The following ZFPM2 variants were observed in gnomAD, a reference collection of about 807,000 sequenced individuals.
ZFPM2 encodes zinc finger protein ZFPM2.
A neutral mutation model predicts 98.6 loss-of-function variants in ZFPM2; 20 were observed. That is an observed-to-expected ratio of 0.20 (90% CI 0.14 to 0.29). ZFPM2 has a LOEUF of 0.29. Among genes scored for constraint, ZFPM2 ranks in the 10% least tolerant of loss-of-function variants. ZFPM2 has a pLI of 1.00. For synonymous variants in ZFPM2, 518 were observed against 502.7 expected (o/e 1.03, Z -0.41); for missense variants, 1,310 against 1,388.6 (o/e 0.94, Z 0.90).
intron 4 of ZFPM2, among the ~76,000 whole-genome samples, chr8:105,576,973 A>C (rs1339277941): frequency 2.0e-5 from 3 of 151,978 alleles, no homozygotes; most frequent in Non-Finnish European, 4.4e-5. Flanking sequence ...TCATCTTTAC[A>C]GTCATATGAA....
intron 4 of ZFPM2, among the ~76,000 whole-genome samples, chr8:105,577,469 T>TA (rs3217600): frequency 0.65 from 99,229 of 151,824 alleles, 33,128 homozygotes; most frequent in African/African-American, 0.82. Flanking sequence ...TCTTATGAAG[T>TA]AAAGCACACC....
At chr8:105,659,592 C>CT (rs1327099949) in intron 5 of ZFPM2, among the ~76,000 whole-genome samples, 2 of 152,108 alleles carry the variant, frequency 1.3e-5, no homozygotes, top group Non-Finnish European at 2.9e-5. Flanking sequence ...CAAAAGGTTT[C>CT]TTTTTTTCTT....
In ZFPM2 at chr8:105,801,272, T is replaced by A; in HGVS notation, c.1190T>A (p.Met397Lys). 6.2e-7 allele frequency: 1 copy of A among 1,613,844 alleles called. No individual in the cohort carries two copies. Among genetic ancestry groups the A allele is most frequent in the Non-Finnish European group, 8.5e-7 (1 of 1,179,852 alleles). ...PSGKLPRESD[M>K]EHSPSATEDS... ...GGCAAACTTCCCAGAGAAAGTGACA[T>A]GGAACACTCTCCAAGTGCAACTGAA... Residue 397 changes from methionine to lysine, a missense_variant, in exon 8 of 8, where the codon ATG (methionine) becomes AAG (lysine). Transcript: ENST00000407775.
chr8:105,791,834 G>C (rs933822999), intron 6 of ZFPM2, among the ~76,000 whole-genome samples: 6 of 152,000 alleles, frequency 3.9e-5, no homozygotes, highest in African/African-American at 1.2e-4. Context: ...TGTATGTGTC[G>C]AGGAATTTAT....
chr8:105,507,616 G>A (rs534169055), intron 3 of ZFPM2, among the ~76,000 whole-genome samples: 1 of 152,312 alleles, frequency 6.6e-6, no homozygotes, highest in East Asian at 1.9e-4. Context: ...GTGCCCTTAG[G>A]CACAATGAAG....
At chr8:105,542,257 T>C (rs1041870435) in intron 3 of ZFPM2, among the ~76,000 whole-genome samples, 2 of 152,132 alleles carry the variant, frequency 1.3e-5, no homozygotes, top group African/African-American at 4.8e-5. Flanking sequence ...CTTTGGTGGA[T>C]TAGATAATTA....
intron 6 of ZFPM2, chr8:105,795,927 T>C: frequency 3.6e-6 from 1 of 275,816 alleles, no homozygotes; most frequent in South Asian, 3.5e-5. Flanking sequence ...TAATCAAAAA[T>C]ATACTTTAAA....
At chr8:105,692,920 C>T (rs1810921861) in intron 5 of ZFPM2, among the ~76,000 whole-genome samples, 1 of 152,070 alleles carries the variant, frequency 6.6e-6, no homozygotes, top group Non-Finnish European at 1.5e-5. Context: ...TCTTTCTGCA[C>T]AGAGCAATGA....
chr8:105,581,217 G>C (rs1324468283), intron 4 of ZFPM2, among the ~76,000 whole-genome samples: 2 of 151,896 alleles, frequency 1.3e-5, no homozygotes, highest in Non-Finnish European at 2.9e-5. Flanking sequence ...AAGTCATCTT[G>C]ACTTTTTTAT....
chr8:105,451,965 T>G (rs1362778956), intron 3 of ZFPM2, among the ~76,000 whole-genome samples: 1 of 152,126 alleles, frequency 6.6e-6, no homozygotes, highest in Non-Finnish European at 1.5e-5. Flanking sequence ...TTCAAAAGAC[T>G]GGATAAAGGA....
chr8:105,334,638 A>G (rs1369809157), intron 1 of ZFPM2, among the ~76,000 whole-genome samples: 1 of 151,672 alleles, frequency 6.6e-6, no homozygotes, highest in Non-Finnish European at 1.5e-5. Context: ...AGGCCCTGTT[A>G]TACAAAAAGT....
chr8:105,389,155 G>A (rs1220849198), intron 1 of ZFPM2, among the ~76,000 whole-genome samples: 1 of 151,818 alleles, frequency 6.6e-6, no homozygotes, highest in African/African-American at 2.4e-5. Flanking sequence ...TGAGGGAAGA[G>A]CAAAGGATTG....
intron 2 of ZFPM2, among the ~76,000 whole-genome samples, chr8:105,430,160 G>A (rs1811992656): frequency 6.6e-6 from 1 of 152,154 alleles, no homozygotes; most frequent in African/African-American, 2.4e-5. Context: ...GGTTAATGAA[G>A]CTTAAACTTC....
At chr8:105,632,660 G>A (rs1242387479) in intron 4 of ZFPM2, among the ~76,000 whole-genome samples, 1 of 151,962 alleles carries the variant, frequency 6.6e-6, no homozygotes, top group Non-Finnish European at 1.5e-5. Flanking sequence ...ATAACAATAG[G>A]GATAACTTGA....
chr8:105,363,377 A>G (rs1244322116), intron 1 of ZFPM2, among the ~76,000 whole-genome samples: 29 of 152,152 alleles, frequency 1.9e-4, no homozygotes, highest in Admixed American at 1.8e-3. Flanking sequence ...AGCATTGCCA[A>G]ATTATTTTGT....
chr8:105,371,905 C>T (rs1370513704), intron 1 of ZFPM2, among the ~76,000 whole-genome samples: 1 of 151,742 alleles, frequency 6.6e-6, no homozygotes, highest in African/African-American at 2.4e-5. Flanking sequence ...AATAGAATGT[C>T]GTTTTTCTCA....
chr8:105,670,369 G>T (rs1327557100), intron 5 of ZFPM2, among the ~76,000 whole-genome samples: 3 of 151,922 alleles, frequency 2.0e-5, no homozygotes, highest in African/African-American at 4.8e-5. Context: ...GGTGGCGGGC[G>T]CCTGTAGTCC....
At chr8:105,648,745 T>C (rs1817106438) in intron 5 of ZFPM2, among the ~76,000 whole-genome samples, 1 of 152,218 alleles carries the variant, frequency 6.6e-6, no homozygotes, top group South Asian at 2.1e-4. Context: ...GTATCTCTGT[T>C]TTGGTACCAG....
intron 3 of ZFPM2, among the ~76,000 whole-genome samples, chr8:105,541,723 A>G (rs137909622): frequency 1.3e-5 from 2 of 152,208 alleles, no homozygotes; most frequent in South Asian, 2.1e-4. Flanking sequence ...ATCTTACAAT[A>G]TATTTCCATT....
Sources: gnomAD v4.1 joint callset for allele counts (sites outside exome capture counted in the v4.1 genomes callset) on GRCh38, gnomAD v4.1.1 for gene constraint, MANE v1.5 for transcripts, NCBI Gene and HGNC (gene_info 2026-07-23, HGNC 2026-07-21) for gene names.